Variants in REV1 observed in about 807,000 individuals in gnomAD.
REV1 encodes the protein translesion synthesis protein REV1.
REV1 carries 42 observed loss-of-function variants against 137.4 expected under a neutral mutation model. The ratio of observed to expected loss-of-function variants is 0.31; its 90% CI spans 0.24 to 0.40. The LOEUF (loss-of-function observed/expected upper bound fraction) is 0.40. REV1 is among the 10% of genes least tolerant of loss of function. The pLI, the probability that REV1 is intolerant of heterozygous loss-of-function variation, is 1.00. For missense variants in REV1, 1,282 were observed against 1,490.1 expected, an observed-to-expected ratio of 0.86 and a Z score of 2.30; for synonymous variants, 524 against 519.2, an observed-to-expected ratio of 1.01 and a Z score of -0.12.
intron 1 of REV1, among the ~76,000 whole-genome samples, chr2:99,471,911 AC>A (rs1259837275): frequency 1.7e-3 from 253 of 150,440 alleles, no homozygotes; most frequent in African/African-American, 6.1e-3. Context: ...AAAAAAAAAA[AC>A]AAGTGTTGAT....
intron 3 of REV1, chr2:99,451,280 T>A (rs918800808): frequency 3.3e-5 from 33 of 1,000,274 alleles, no homozygotes; most frequent in Non-Finnish European, 4.1e-5. Context: ...GGCTGTCCTT[T>A]ACCGAATAAA....
At chr2:99,456,962 C>T (rs750515080) in intron 3 of REV1, among the ~76,000 whole-genome samples, 5 of 152,144 alleles carry the variant, frequency 3.3e-5, no homozygotes, top group Non-Finnish European at 5.9e-5. Flanking sequence ...AAATGTAGGT[C>T]AGAATTAGGA....
At chr2:99,426,766 CA>C (rs1679432220) in intron 9 of REV1, among the ~76,000 whole-genome samples, 1 of 152,090 alleles carries the variant, frequency 6.6e-6, no homozygotes, top group Admixed American at 6.5e-5. Flanking sequence ...GATAAATTAC[CA>C]AAACTTCGTT....
chr2:99,469,701 G>A (rs928834291), intron 1 of REV1, among the ~76,000 whole-genome samples: 1 of 152,104 alleles, frequency 6.6e-6, no homozygotes, highest in Non-Finnish European at 1.5e-5. Flanking sequence ...GACTACTTAT[G>A]CATGCATTTT....
At position 99,405,922 on chromosome 2, in the gene REV1, C is replaced by T. The variant is rs149986894; in HGVS notation, c.2799G>A (p.Pro933=). 5.8e-6 allele frequency: 9 copies of T among 1,550,702 alleles called. No homozygotes were observed. Among genetic ancestry groups the T allele is most frequent in the African/African-American group, 2.7e-5 (2 of 72,970 alleles). ...TACAAAAATGTACCTGGGAAGGTGA[C>T]GGGACCTCTATACTCAGGTTAAGTC... ...QSRLNLSIEV[P]SPSQLDQSVL... is the part of the protein sequence containing the mutation. The change falls in exon 17 of 23, where the codon CCG becomes CCA. Residue 933 remains proline (P), a synonymous_variant. Transcript: ENST00000258428.
intron 3 of REV1, among the ~76,000 whole-genome samples, chr2:99,452,450 A>C (rs1285288437): frequency 6.6e-6 from 1 of 152,104 alleles, no homozygotes; most frequent in Admixed American, 6.6e-5. Flanking sequence ...AAAGAAAAAA[A>C]AAGGGGGAGA....
At chr2:99,461,067 TC>T (rs1684135408) in intron 3 of REV1, among the ~76,000 whole-genome samples, 1 of 152,160 alleles carries the variant, frequency 6.6e-6, no homozygotes, top group Non-Finnish European at 1.5e-5. Context: ...TCTCAGGAAG[TC>T]CACAGAGCTT....
At chr2:99,454,612 G>A (rs1355060835) in intron 3 of REV1, among the ~76,000 whole-genome samples, 1 of 146,128 alleles carries the variant, frequency 6.8e-6, no homozygotes, top group Non-Finnish European at 1.5e-5. Context: ...ACGTGTGGTG[G>A]CACACACCTC....
At chr2:99,424,644 A>T in intron 9 of REV1, 1 of 686,410 alleles carries the variant, frequency 1.5e-6, no homozygotes, top group Non-Finnish European at 2.1e-6. Flanking sequence ...TGTCAAAAAG[A>T]GGTTTTCTTC....
intron 3 of REV1, chr2:99,451,344 C>T (rs1231942661): frequency 4.0e-6 from 5 of 1,261,566 alleles, no homozygotes; most frequent in Middle Eastern, 2.2e-4. Flanking sequence ...AAAGTACTCA[C>T]CCGTCTACTA....
chr2:99,445,696 A>T (rs1282784406), intron 4 of REV1, among the ~76,000 whole-genome samples: 2 of 152,228 alleles, frequency 1.3e-5, no homozygotes, highest in Non-Finnish European at 2.9e-5. Flanking sequence ...TACACTATGT[A>T]CAAGTGTGAG....
At chr2:99,421,172 C>T (rs924503331) in intron 11 of REV1, among the ~76,000 whole-genome samples, 4 of 151,960 alleles carry the variant, frequency 2.6e-5, no homozygotes, top group East Asian at 1.9e-4. Flanking sequence ...AGACTTAACA[C>T]GCAACTCTAA....
intron 9 of REV1, chr2:99,425,049 A>C: frequency 1.9e-6 from 1 of 520,948 alleles, no homozygotes; most frequent in South Asian, 3.2e-5. Flanking sequence ...TCAAGAAAAA[A>C]AATTATAGTA....
intron 2 of REV1, among the ~76,000 whole-genome samples, chr2:99,463,207 T>TA (rs1409460404): frequency 6.6e-6 from 1 of 151,816 alleles, no homozygotes; most frequent in Non-Finnish European, 1.5e-5. Context: ...AAGTTACTTT[T>TA]AAAAAAAGCT....
intron 19 of REV1, 132 bp downstream of exon 19, chr2:99,403,558 TTCAGA>T (rs1675822738): frequency 9.3e-7 from 1 of 1,069,736 alleles, no homozygotes; most frequent in Non-Finnish European, 1.4e-6. Context: ...TACTGTATAC[TTCAGA>T]TATTATCCCA....
intron 3 of REV1, among the ~76,000 whole-genome samples, chr2:99,457,305 A>G (rs541519049): frequency 1.3e-5 from 2 of 152,366 alleles, no homozygotes; most frequent in Middle Eastern, 3.4e-3. Context: ...AAAGATGTCA[A>G]TTCTCCCCGA....
At chr2:99,453,036 TA>T (rs1683099448) in intron 3 of REV1, among the ~76,000 whole-genome samples, 1 of 152,182 alleles carries the variant, frequency 6.6e-6, no homozygotes, top group Non-Finnish European at 1.5e-5. Context: ...CTAAAAATTA[TA>T]AATTACTGAG....
intron 3 of REV1, among the ~76,000 whole-genome samples, chr2:99,461,592 C>T (rs988775014): frequency 6.6e-6 from 1 of 152,126 alleles, no homozygotes; most frequent in Non-Finnish European, 1.5e-5. Context: ...ATATTTACAG[C>T]CATTCACTTC....
chr2:99,434,880 T>C (rs554403625), intron 7 of REV1, among the ~76,000 whole-genome samples: 3 of 152,160 alleles, frequency 2.0e-5, no homozygotes, highest in East Asian at 1.9e-4. Flanking sequence ...TACATATGCA[T>C]AGGAATCACA....
Sources: gnomAD v4.1 joint callset for allele counts (sites outside exome capture counted in the v4.1 genomes callset) on GRCh38, gnomAD v4.1.1 for gene constraint, MANE v1.5 for transcripts, NCBI Gene and HGNC (gene_info 2026-07-23, HGNC 2026-07-21) for gene names.